Variants in WNK2 observed in about 807,000 individuals in gnomAD.
The protein encoded by WNK2 is WNK lysine deficient protein kinase 2, also known as serine/threonine-protein kinase WNK2.
A neutral mutation model predicts 192.1 loss-of-function variants in WNK2; 67 were observed. The ratio of observed to expected loss-of-function variants is 0.35; its 90% CI spans 0.29 to 0.43. WNK2 has a LOEUF of 0.43. Among genes scored for constraint, WNK2 ranks in the 20% least tolerant of loss-of-function variants. The probability of loss-of-function intolerance (pLI) is 1.00; values close to 1 mark genes in which losing one functional copy is unlikely to be tolerated. For synonymous variants in WNK2, 1,439 were observed against 1,393.9 expected (o/e 1.03, Z -0.72); for missense variants, 2,698 against 3,089.7 (o/e 0.87, Z 3.01).
Position 93,184,308 on chromosome 9 carries a change from C to T in WNK2, c.-80C>T, listed in dbSNP as rs566241323. On this transcript the variant is annotated 5_prime_UTR_variant, in exon 1 of 30. Coordinates refer to ENST00000427277, the MANE Select transcript of WNK2 (RefSeq NM_006648.4). ...CGGACCTCGCCCGGAACTCGGACCC[C>T]GTCCTCGAAGCGTGATCTCTCCCGC... is the stretch of plus-strand genomic sequence containing the variant. 4.0e-5 allele frequency among the ~76,000 whole-genome samples: 6 copies of T among 151,448 alleles called. No homozygotes were observed. In the South Asian group the frequency reaches 1.0e-3, roughly 26 times the overall value.
intron 19 of WNK2, among the ~76,000 whole-genome samples, chr9:93,276,479 A>T (rs775271761): frequency 6.6e-6 from 1 of 152,266 alleles, no homozygotes; most frequent in Admixed American, 6.5e-5. Flanking sequence ...TGTAAGTTTT[A>T]TAAGGAAACA....
chr9:93,186,075 AT>A (rs1441576939), intron 2 of WNK2, among the ~76,000 whole-genome samples: 1 of 151,972 alleles, frequency 6.6e-6, no homozygotes, highest in East Asian at 1.9e-4. Context: ...CTGCCCATAA[AT>A]TAGTACTTTC....
At position 93,184,792 on chromosome 9, in the gene WNK2, A is replaced by C. The variant is rs1292531808; in HGVS notation, c.-2-136A>C. The C allele has an allele frequency of 3.9e-6, 3 of 762,244 alleles. No homozygotes were observed. In the African/African-American group the frequency reaches 5.5e-5, roughly 14 times the overall value. 47.2% of individuals were successfully genotyped at this position (762,244 alleles called of 1,614,324 possible). ...AGCCCCCCTTTCCCAGGGCCCCCAG[A>C]GACGGCCCCCGCAGGCTCTCTCCGC... On this transcript the variant is annotated intron_variant, in intron 1 of 29. Coordinates refer to ENST00000427277, the MANE Select transcript of WNK2 (RefSeq NM_006648.4).
At chr9:93,263,426 C>G in intron 14 of WNK2, 140 bp from the exon 15 acceptor site, 1 of 946,280 alleles carries the variant, frequency 1.1e-6, no homozygotes, top group East Asian at 2.9e-5. Flanking sequence ...TTGGGGTATT[C>G]GCACAGGACG....
intron 14 of WNK2, chr9:93,263,227 C>G (rs1044751285): frequency 1.1e-5 from 5 of 440,422 alleles, no homozygotes; most frequent in African/African-American, 2.0e-5. Context: ...ACGGATTGGC[C>G]TCACAACAGT....
chr9:93,311,343 A>G (rs1303880735), intron 28 of WNK2, among the ~76,000 whole-genome samples: 1 of 152,192 alleles, frequency 6.6e-6, no homozygotes, highest in Non-Finnish European at 1.5e-5. Flanking sequence ...CAGTTCTGTC[A>G]GTGGACGCTT....
chr9:93,251,665 A>G (rs1422697389), intron 8 of WNK2, among the ~76,000 whole-genome samples: 3 of 152,196 alleles, frequency 2.0e-5, no homozygotes, highest in Non-Finnish European at 4.4e-5. Flanking sequence ...AGCCGTGATC[A>G]CACCACTGCA....
Position 93,299,050 on chromosome 9 carries a change from C to T in WNK2, c.5924-20C>T. On this transcript the variant is annotated intron_variant, in intron 24 of 29. Transcript: ENST00000427277. Reference sequence around the variant, plus strand: ...CGGCGGCGCCTCATCGTGCCTGTCGCCTCTTCTCCCCCCGCCCAGGTCACT... The same window carrying T: ...CGGCGGCGCCTCATCGTGCCTGTCGTCTCTTCTCCCCCCGCCCAGGTCACT... 3 of 1,601,862 alleles carry T rather than the reference C, an allele frequency of 1.9e-6. No homozygotes were observed. Among genetic ancestry groups the T allele is most frequent in the Non-Finnish European group, 2.6e-6 (3 of 1,173,886 alleles).
At chr9:93,226,126 G>A (rs1000710578) in intron 2 of WNK2, among the ~76,000 whole-genome samples, 6 of 152,194 alleles carry the variant, frequency 3.9e-5, no homozygotes, top group Non-Finnish European at 8.8e-5. Flanking sequence ...TGCCACCTGC[G>A]CCCAGTGTCT....
chr9:93,193,404 C>G (rs1024161182), intron 2 of WNK2, among the ~76,000 whole-genome samples: 2 of 152,178 alleles, frequency 1.3e-5, no homozygotes, highest in African/African-American at 2.4e-5. Flanking sequence ...TCTTTTCACC[C>G]GTCTTGCTCC....
chr9:93,187,810 G>C (rs1471815369), intron 2 of WNK2, among the ~76,000 whole-genome samples: 1 of 152,130 alleles, frequency 6.6e-6, no homozygotes, highest in Non-Finnish European at 1.5e-5. Context: ...GCCAGGGGCT[G>C]CTGGGCGTGT....
At chr9:93,212,816 G>A (rs376760014) in intron 2 of WNK2, among the ~76,000 whole-genome samples, 1 of 152,206 alleles carries the variant, frequency 6.6e-6, no homozygotes, top group South Asian at 2.1e-4. Flanking sequence ...GTGGAGGAAG[G>A]GGTGTTTCTT....
chr9:93,301,345 G>A (rs1468181383), intron 26 of WNK2, among the ~76,000 whole-genome samples: 3 of 152,328 alleles, frequency 2.0e-5, no homozygotes, highest in Non-Finnish European at 2.9e-5. Flanking sequence ...TGTGGGAGGC[G>A]TCCACTGCCA....
At chr9:93,311,575 C>G (rs1337688007) in intron 28 of WNK2, among the ~76,000 whole-genome samples, 1 of 151,706 alleles carries the variant, frequency 6.6e-6, no homozygotes, top group African/African-American at 2.4e-5. Flanking sequence ...TTTTCCACAT[C>G]TGTGCCAACA....
intron 7 of WNK2, among the ~76,000 whole-genome samples, chr9:93,245,563 T>C (rs1841543841): frequency 6.6e-6 from 1 of 152,386 alleles, no homozygotes; most frequent in Non-Finnish European, 1.5e-5. Context: ...CTGAGCTTGG[T>C]GCACGGCGCC....
chr9:93,277,960 T>A (rs1253863453), intron 19 of WNK2, among the ~76,000 whole-genome samples: 1 of 152,220 alleles, frequency 6.6e-6, no homozygotes, highest in Non-Finnish European at 1.5e-5. Context: ...GCCCTTGTAC[T>A]TCTGCTTTAG....
intron 2 of WNK2, among the ~76,000 whole-genome samples, chr9:93,202,316 C>CCGTGTGCA (rs1404705645): frequency 3.8e-5 from 5 of 133,014 alleles, no homozygotes; most frequent in African/African-American, 1.4e-4. Context: ...CTGCTGGGCT[C>CCGTGTGCA]CGTGTGCACG....
chr9:93,229,956 T>C lies in WNK2; in HGVS notation c.854+88T>C. 6.8e-7 allele frequency: 1 copy of C among 1,481,260 alleles called. No homozygotes were observed. The highest frequency in any genetic ancestry group is 9.0e-7 in the Non-Finnish European group (1 of 1,105,134). 91.8% of individuals were successfully genotyped at this position (1,481,260 alleles called of 1,614,324 possible). A position where few individuals can be genotyped will look rare whatever the true frequency, so the allele number is the denominator to read the frequency against. Reference sequence around the variant, plus strand: ...AGGGTGAGGTCTTGGGCTGCTGGGGTGGTCCTGGCTGGTGCCTGTGGGAGG... The same window carrying C: ...AGGGTGAGGTCTTGGGCTGCTGGGGCGGTCCTGGCTGGTGCCTGTGGGAGG... On this transcript the variant is annotated intron_variant, in intron 3 of 29. Transcript: ENST00000427277. This position sits in a 1 kb window ranked among gnomAD's most constrained non-coding sequence, Gnocchi z 4.9.
In WNK2 at chr9:93,320,512, T is replaced by G; in HGVS notation, c.*120T>G. 9.2e-7 allele frequency: 1 copy of G among 1,091,594 alleles called. No homozygotes were observed. The highest frequency in any genetic ancestry group is 1.3e-6 in the Non-Finnish European group (1 of 791,456). The allele number at this position is 1,091,594 out of a possible 1,614,324, so 67.6% of individuals were successfully genotyped here. ...TTGTAACCACTTTCTAAGCATTTTT[T>G]ATTCACAATTGGAAACACAAATGTA... On this transcript the variant is annotated 3_prime_UTR_variant, in exon 30 of 30. Transcript: ENST00000427277.
Sources: allele counts gnomAD v4.1 joint callset (sites outside exome capture counted in the v4.1 genomes callset), GRCh38; gene constraint gnomAD v4.1.1; non-coding constraint Gnocchi (gnomAD v3.1); transcripts MANE v1.5; gene names NCBI Gene and HGNC (gene_info 2026-07-23, HGNC 2026-07-21).